The following DGKZ variants were observed in gnomAD, a reference collection of about 807,000 sequenced individuals.
DGKZ encodes the protein diacylglycerol kinase zeta, also known as DAG kinase zeta.
In DGKZ, 45 loss-of-function variants were observed where a neutral mutation model predicts 142.5. The ratio of observed to expected loss-of-function variants is 0.32; its 90% CI spans 0.25 to 0.40. The LOEUF (loss-of-function observed/expected upper bound fraction) is 0.40. Among genes scored for constraint, DGKZ ranks in the 10% least tolerant of loss-of-function variants. The pLI is 1.00. For synonymous variants in DGKZ, 442 were observed against 527.0 expected, an observed-to-expected ratio of 0.84 and a Z score of 2.21; for missense variants, 755 against 1,306.5, an observed-to-expected ratio of 0.58 and a Z score of 6.51.
chr11:46,337,063 A>T (rs1339366204), intron 1 of DGKZ, among the ~76,000 whole-genome samples: 1 of 152,066 alleles, frequency 6.6e-6, no homozygotes, highest in African/African-American at 2.4e-5. Context: ...GAGATCTTGC[A>T]TCTCCATCTG....
intron 1 of DGKZ, among the ~76,000 whole-genome samples, chr11:46,340,725 G>T (rs1031862797): frequency 6.6e-6 from 1 of 152,244 alleles, no homozygotes; most frequent in African/African-American, 2.4e-5. Flanking sequence ...CCTCTGTGGG[G>T]GCAGAGGCCC....
At chr11:46,378,652 C>T in intron 27 of DGKZ, 152 bp downstream of exon 27, 1 of 1,075,134 alleles carries the variant, frequency 9.3e-7, no homozygotes, top group Non-Finnish European at 1.4e-6. Context: ...CGTCCCATTC[C>T]ACTTCACTGT....
Position 46,367,590 on chromosome 11 carries a change from G to A in DGKZ, c.271-62G>A. On this transcript the variant is annotated intron_variant, in intron 2 of 30. Coordinates refer to ENST00000527911, the Ensembl canonical transcript of DGKZ. This position sits in a 1 kb window ranked among gnomAD's most constrained non-coding sequence, Gnocchi z 4.1. ...GTCTTGGGAGAGGGCGGGTGGGCGGGGGCTGATGGGAGGGAGGGCTGGGCG... is the reference window on the plus strand; with the variant it reads ...GTCTTGGGAGAGGGCGGGTGGGCGGAGGCTGATGGGAGGGAGGGCTGGGCG... 2.1e-6 allele frequency: 2 copies of A among 939,702 alleles called. No individual in the cohort carries two copies. Among genetic ancestry groups the A allele is most frequent in the Non-Finnish European group, 3.0e-6 (2 of 672,258 alleles). 58.2% of individuals were successfully genotyped at this position (939,702 alleles called of 1,614,324 possible). A position where few individuals can be genotyped will look rare whatever the true frequency, so the allele number is the denominator to read the frequency against.
chr11:46,353,270 C>G (rs1251335718), intron 1 of DGKZ, among the ~76,000 whole-genome samples: 1 of 152,186 alleles, frequency 6.6e-6, no homozygotes, highest in Non-Finnish European at 1.5e-5. Context: ...CAATGATCTT[C>G]TCATGACATT....
rs561030758 is a variant in DGKZ at position 46,347,798 on chromosome 11, G to A, written c.139G>A (p.Gly47Arg). 27 of 1,337,072 alleles carry A rather than the reference G, an allele frequency of 2.0e-5. No individual in the cohort carries two copies. The African/African-American group carries it at 4.1e-4, about 20-fold the overall frequency. 82.8% of individuals were successfully genotyped at this position (1,337,072 alleles called of 1,614,324 possible). ...GCGACTCAACAAGCGGCGCTTCCCG[G>A]GGCTGCGGCTCTTCGGGCACAGGTG... is the stretch of plus-strand genomic sequence containing the variant. Residue 47 changes from glycine to arginine, a missense_variant, in exon 1 of 31, where the codon GGG becomes AGG. Gly to Arg is a moderately radical substitution (Grantham distance 125, BLOSUM62 -2). Coordinates refer to ENST00000527911, the Ensembl canonical transcript of DGKZ. This position sits in a 1 kb window ranked among gnomAD's most constrained non-coding sequence, Gnocchi z 6.4.
chr11:46,368,246 C>T (rs868410041), intron 4 of DGKZ, 167 bp downstream of exon 4: 1 of 734,104 alleles, frequency 1.4e-6, no homozygotes. Flanking sequence ...CGAATCCTGG[C>T]TCCTCACTGA....
In DGKZ at chr11:46,378,981, C is replaced by T. The variant is rs1013206876; in HGVS notation, c.2419-10C>T. On this transcript the variant is annotated splice_polypyrimidine_tract_variant and intron_variant, in intron 27 of 30. Coordinates refer to ENST00000527911, the Ensembl canonical transcript of DGKZ. ...AGGAGGTCCAGCCCTGCCATGCCTC[C>T]TGCCCTCAGCTCCAGGAGCTGCACC... 6.5e-7 allele frequency: 1 copy of T among 1,532,942 alleles called. No homozygotes were observed. The highest frequency in any genetic ancestry group is 1.4e-5 in the African/African-American group (1 of 72,516). The allele number at this position is 1,532,942 out of a possible 1,614,324, so 95.0% of individuals were successfully genotyped here.
At chr11:46,370,987 A>G (rs1328691039) in intron 6 of DGKZ, among the ~76,000 whole-genome samples, 3 of 152,160 alleles carry the variant, frequency 2.0e-5, no homozygotes, top group African/African-American at 7.2e-5. Context: ...CAGGAGGCTG[A>G]GACAAGAGAA....
At chr11:46,356,210 G>T (rs943922009) in intron 1 of DGKZ, among the ~76,000 whole-genome samples, 2 of 152,166 alleles carry the variant, frequency 1.3e-5, no homozygotes, top group African/African-American at 4.8e-5. Flanking sequence ...GGAGGCTAAG[G>T]GAGATATATT....
At chr11:46,348,325 C>T (rs1166313469) in intron 1 of DGKZ, among the ~76,000 whole-genome samples, 1 of 152,224 alleles carries the variant, frequency 6.6e-6, no homozygotes, top group Non-Finnish European at 1.5e-5. Flanking sequence ...GAACGTAGCC[C>T]CGTTGATACC....
Position 46,347,899 on chromosome 11 carries a change from C to T in DGKZ, c.161+79C>T, listed in dbSNP as rs532163514. ...CTCACCGGGGGACATTCCTCGGCCACTGGGGGTCCGGGCCACTTCGGTACT... is the reference window on the plus strand; with the variant it reads ...CTCACCGGGGGACATTCCTCGGCCATTGGGGGTCCGGGCCACTTCGGTACT... On this transcript the variant is annotated intron_variant, in intron 1 of 30. Coordinates refer to ENST00000527911, the Ensembl canonical transcript of DGKZ. The surrounding 1 kb of genome is among the most constrained non-coding windows in gnomAD (Gnocchi z 6.4). The T allele has an allele frequency of 9.8e-5, 124 of 1,264,150 alleles. No homozygotes were observed. In the African/African-American group the frequency reaches 1.7e-3, roughly 17 times the overall value. The allele number at this position is 1,264,150 out of a possible 1,614,324, so 78.3% of individuals were successfully genotyped here.
chr11:46,347,337 C>T, upstream of DGKZ: 1 of 984,884 alleles, frequency 1.0e-6, no homozygotes, highest in Non-Finnish European at 1.2e-6. This position sits in a 1 kb window ranked among gnomAD's most constrained non-coding sequence, Gnocchi z 6.4. Flanking sequence ...CAGCGGGCTG[C>T]AGCGCAGCGG....
At chr11:46,339,390 A>G (rs990577057) in intron 1 of DGKZ, among the ~76,000 whole-genome samples, 1 of 152,254 alleles carries the variant, frequency 6.6e-6, no homozygotes, top group East Asian at 1.9e-4. Flanking sequence ...GACCACGGCC[A>G]GAGGAAGCCT....
chr11:46,343,436 T>TACTGA (rs947694305), upstream of DGKZ, among the ~76,000 whole-genome samples: 2 of 152,230 alleles, frequency 1.3e-5, no homozygotes, highest in Non-Finnish European at 2.9e-5. Context: ...CATAAATGTT[T>TACTGA]ACTGAACTGA....
At chr11:46,336,254 C>G (rs1940008957) in intron 1 of DGKZ, among the ~76,000 whole-genome samples, 1 of 152,070 alleles carries the variant, frequency 6.6e-6, no homozygotes, top group Non-Finnish European at 1.5e-5. Context: ...TGGAAGCAAC[C>G]CTGGCAGCTT....
chr11:46,348,883 C>T (rs1274552751), intron 1 of DGKZ, among the ~76,000 whole-genome samples: 1 of 152,218 alleles, frequency 6.6e-6, no homozygotes, highest in African/African-American at 2.4e-5. Flanking sequence ...CCACCTCAGA[C>T]TGAACTCTGA....
Position 46,372,414 on chromosome 11 carries a change from C to T in DGKZ, c.928-14C>T, listed in dbSNP as rs1480463848. On this transcript the variant is annotated splice_polypyrimidine_tract_variant and intron_variant, in intron 10 of 30. Coordinates refer to ENST00000527911, the Ensembl canonical transcript of DGKZ. The surrounding 1 kb of genome is among the most constrained non-coding windows in gnomAD (Gnocchi z 5.9). ...CCACTGCCTGACTGTCTCTTGGCTC[C>T]CCATCCCATCCAGGGTGCAAAGATC... 3.7e-6 allele frequency: 6 copies of T among 1,613,872 alleles called. No homozygotes were observed. The highest frequency in any genetic ancestry group is 5.1e-6 in the Non-Finnish European group (6 of 1,179,884).
Position 46,378,242 on chromosome 11 carries a change from C to A in DGKZ, c.2374+13C>A, listed in dbSNP as rs567402245. On this transcript the variant is annotated intron_variant, in intron 26 of 30. Coordinates refer to ENST00000527911, the Ensembl canonical transcript of DGKZ. ...GCACCCCCTCAAGGTGAGGCCTCTC[C>A]CTCTGGGGCCCCTCCTTTCTGCCTG... The A allele has an allele frequency of 8.1e-6, 13 of 1,601,720 alleles. No individual in the cohort carries two copies. Among genetic ancestry groups the A allele is most frequent in the Non-Finnish European group, 1.1e-5 (13 of 1,174,478 alleles).
chr11:46,377,363 C>T (rs1944667845), intron 25 of DGKZ, 151 bp downstream of exon 25: 2 of 1,373,314 alleles, frequency 1.5e-6, no homozygotes, highest in Non-Finnish European at 1.9e-6. Context: ...GCCTTCAGCC[C>T]TGTGGTTCTG....
Sources: allele counts gnomAD v4.1 joint callset (sites outside exome capture counted in the v4.1 genomes callset), GRCh38; gene constraint gnomAD v4.1.1; non-coding constraint Gnocchi (gnomAD v3.1); transcripts MANE v1.5; gene names NCBI Gene and HGNC (gene_info 2026-07-23, HGNC 2026-07-21).